Variants in COL16A1 observed in about 807,000 individuals in gnomAD.
COL16A1 encodes collagen alpha-1(XVI) chain.
COL16A1 carries 189 observed loss-of-function variants against 266.3 expected under a neutral mutation model. That is an observed-to-expected ratio of 0.71 (90% confidence interval 0.63 to 0.80). COL16A1 has a LOEUF of 0.80. Among genes scored for constraint, COL16A1 ranks in the 30% least tolerant of loss-of-function variants. COL16A1 has a pLI of 0.00. For synonymous variants in COL16A1, 740 were observed against 782.3 expected, an observed-to-expected ratio of 0.95 and a Z score of 0.90; for missense variants, 1,928 against 2,122.4, an observed-to-expected ratio of 0.91 and a Z score of 1.80.
intron 49 of COL16A1, chr1:31,669,774 G>T (rs1454809309): frequency 6.6e-6 from 1 of 152,250 alleles, no homozygotes. Flanking sequence ...TGACCCAGGA[G>T]GGAGCAACAA....
chr1:31,702,336 G>T (rs1644753369), intron 1 of COL16A1, 109 bp from the exon 2 acceptor site: 2 of 1,153,196 alleles, frequency 1.7e-6, no homozygotes, highest in South Asian at 2.8e-5. Context: ...GTATTGGGGT[G>T]GCAGGAGGTC....
chr1:31,658,841 C>A, intron 63 of COL16A1, 73 bp downstream of exon 63: 1 of 1,509,990 alleles, frequency 6.6e-7, no homozygotes, highest in Non-Finnish European at 9.0e-7. Context: ...CCCCCAGCTT[C>A]CTCTGAATGG....
chr1:31,695,916 AC>A, intron 9 of COL16A1, 129 bp from the exon 10 acceptor site: 4 of 990,410 alleles, frequency 4.0e-6, no homozygotes, highest in Admixed American at 3.8e-5. Flanking sequence ...CGTCTGTCTC[AC>A]CCCCATCCGT....
At chr1:31,695,940 G>T (rs1644478909) in intron 9 of COL16A1, 148 bp downstream of exon 9, 1 of 986,868 alleles carries the variant, frequency 1.0e-6, no homozygotes, top group African/African-American at 1.6e-5. Context: ...TTCTTGATCA[G>T]AGCTGGCACC....
chr1:31,665,973 C>G, intron 53 of COL16A1, 38 bp from the exon 54 acceptor site: 1 of 1,614,090 alleles, frequency 6.2e-7, no homozygotes, highest in Non-Finnish European at 8.5e-7. Flanking sequence ...GAAACCTAAT[C>G]TTCCTGCCCT....
In COL16A1 at chr1:31,697,989, G is replaced by A; in HGVS notation, c.574C>T (p.Gln192Ter). ...VHVDCSSASS[Q>*]PLGPRRPMRP... ...ATGGGTCGTCGGGGCCCCAGAGGCT[G>A]GGAGGAGGCTGAGCTGCAGTCCACG... The change falls in exon 6 of 71, where the codon CAG becomes TAG. Residue 192 changes from glutamine (Q) to a stop codon, truncating the protein, a stop_gained. Transcript: ENST00000373672. LOFTEE classifies it high-confidence loss of function. The surrounding 1 kb of genome is among the most constrained non-coding windows in gnomAD (Gnocchi z 4.2). 1 of 1,613,516 alleles carries A rather than the reference G, an allele frequency of 6.2e-7. No individual in the cohort carries two copies. The highest frequency in any genetic ancestry group is 8.5e-7 in the Non-Finnish European group (1 of 1,180,018).
At chr1:31,684,482 T>G (rs1456085055) in intron 31 of COL16A1, 41 bp downstream of exon 31, 2 of 1,589,222 alleles carry the variant, frequency 1.3e-6, no homozygotes, top group African/African-American at 2.7e-5. Context: ...ATTTTTTTTA[T>G]GCAACAAACT....
chr1:31,689,886 G>A lies in COL16A1; in HGVS notation c.1510-35C>T, dbSNP rs115347599. ...GGGAGAGGCAGTATGTGGACAGGGT[G>A]GGGCTGAGACCCCAGGGAAGGCAAG... On this transcript the variant is annotated intron_variant, in intron 22 of 70. Transcript: ENST00000373672. 1,227 of 1,596,214 alleles carry A rather than the reference G, an allele frequency of 7.7e-4. 7 individuals carry two copies. In the African/African-American group the frequency reaches 0.015, roughly 19 times the overall value.
chr1:31,683,253 G>A lies in COL16A1; in HGVS notation c.2416-6C>T. 6.2e-7 allele frequency: 1 copy of A among 1,614,180 alleles called. No homozygotes were observed. The highest frequency in any genetic ancestry group is 1.1e-5 in the South Asian group (1 of 91,080). On this transcript the variant is annotated splice_polypyrimidine_tract_variant and splice_region_variant and intron_variant, in intron 35 of 70. Coordinates refer to ENST00000373672, the MANE Select transcript of COL16A1 (RefSeq NM_001856.4). ...CCCCGAGGTCCCGGAAGTCCCTGCA[G>A]ATGGAAGCACAGTTAGTTAACCCAT...
At chr1:31,701,534 G>A (rs905029769) in intron 2 of COL16A1, 11 of 985,250 alleles carry the variant, frequency 1.1e-5, no homozygotes, top group Admixed American at 6.1e-5. Context: ...CAAGTTGCCC[G>A]GTCAACTTCC....
intron 1 of COL16A1, among the ~76,000 whole-genome samples, chr1:31,702,916 C>T (rs1290206782): frequency 6.6e-6 from 1 of 152,108 alleles, no homozygotes; most frequent in Admixed American, 6.5e-5. Context: ...TTTATTAAAC[C>T]CTGATGGATG....
chr1:31,690,623 T>C (rs554946497), intron 20 of COL16A1, 50 bp from the exon 21 acceptor site: 1 of 1,600,390 alleles, frequency 6.2e-7, no homozygotes, highest in African/African-American at 1.3e-5. Flanking sequence ...CAATGCAATC[T>C]CGGTGCGTTC....
At chr1:31,683,268 A>T in intron 35 of COL16A1, 21 bp from the exon 36 acceptor site, 2 of 1,614,174 alleles carry the variant, frequency 1.2e-6, no homozygotes, top group Non-Finnish European at 8.5e-7. Flanking sequence ...AAGCACAGTT[A>T]GTTAACCCAT....
chr1:31,661,908 A>G, intron 58 of COL16A1: 3 of 640,794 alleles, frequency 4.7e-6, no homozygotes, highest in East Asian at 5.6e-5. Flanking sequence ...TCTTTGGGAT[A>G]TATAAGGGGG....
chr1:31,700,172 G>T, intron 2 of COL16A1, 57 bp from the exon 3 acceptor site: 1 of 1,552,644 alleles, frequency 6.4e-7, no homozygotes, highest in Non-Finnish European at 8.9e-7. Context: ...TTGCTGCACG[G>T]CTGGACGCCT....
In COL16A1 at chr1:31,685,549, G is replaced by C; in HGVS notation, c.2016+90C>G. On this transcript the variant is annotated intron_variant, in intron 29 of 70. Transcript: ENST00000373672. This position sits in a 1 kb window ranked among gnomAD's most constrained non-coding sequence, Gnocchi z 4.0. ...CTCCCCACTACCCCCAACTGCCCAG[G>C]GAGTCAAGAGACCCAGGCAGGACCC... 6.8e-7 allele frequency: 1 copy of C among 1,474,468 alleles called. No homozygotes were observed. Among genetic ancestry groups the C allele is most frequent in the Non-Finnish European group, 9.2e-7 (1 of 1,088,002 alleles). The allele number at this position is 1,474,468 out of a possible 1,614,324, so 91.3% of individuals were successfully genotyped here. A position where few individuals can be genotyped will look rare whatever the true frequency, so the allele number is the denominator to read the frequency against.
In COL16A1 at chr1:31,663,043, T is replaced by C; in HGVS notation, c.3556-385A>G. On this transcript the variant is annotated intron_variant, in intron 56 of 70. Transcript: ENST00000373672. This position sits in a 1 kb window ranked among gnomAD's most constrained non-coding sequence, Gnocchi z 4.9. Reference sequence around the variant, plus strand: ...ACCCCCTGCCTCCTCCCCACCTACCTCCCTACCTTTCCCCCCATCCCAGCA... The same window carrying C: ...ACCCCCTGCCTCCTCCCCACCTACCCCCCTACCTTTCCCCCCATCCCAGCA... The C allele has an allele frequency of 3.8e-6, 1 of 260,510 alleles. No homozygotes were observed. Among genetic ancestry groups the C allele is most frequent in the Non-Finnish European group, 7.5e-6 (1 of 132,538 alleles). The allele number at this position is 260,510 out of a possible 1,614,324, so 16.1% of individuals were successfully genotyped here.
rs769525228 is a variant in COL16A1, at chr1:31,660,595, G to A, written c.3869C>T (p.Pro1290Leu). The A allele has an allele frequency of 1.1e-5, 17 of 1,613,894 alleles. No individual in the cohort carries two copies. Among genetic ancestry groups the A allele is most frequent in the Admixed American group, 6.7e-5 (4 of 59,986 alleles). Residue 1290 changes from proline to leucine, a missense_variant, in exon 62 of 71, where the codon CCG (proline) becomes CTG (leucine). Pro to Leu is a moderately conservative substitution (Grantham distance 98, BLOSUM62 -3). Transcript: ENST00000373672. Reference protein sequence around the residue: ...AMGPQGRPGPPGHVGPPGPPG... With the variant: ...AMGPQGRPGPLGHVGPPGPPG... ...AGTGGTTCAACTCACAACGTGTCCC[G>A]GGGGACCGGGTCTTCCCTGGGGTCC...
intron 26 of COL16A1, among the ~76,000 whole-genome samples, chr1:31,687,766 T>A (rs28680245): frequency 6.6e-6 from 1 of 152,138 alleles, no homozygotes; most frequent in Non-Finnish European, 1.5e-5. Flanking sequence ...AGGCCCCACA[T>A]GTGATGTGAC....
Sources: allele counts gnomAD v4.1 joint callset (sites outside exome capture counted in the v4.1 genomes callset), GRCh38; gene constraint gnomAD v4.1.1; non-coding constraint Gnocchi (gnomAD v3.1); transcripts MANE v1.5; gene names NCBI Gene and HGNC (gene_info 2026-07-23, HGNC 2026-07-21).